The following NOL4 variants were observed in gnomAD, a reference collection of about 807,000 sequenced individuals.
NOL4 encodes cancer/testis antigen 125.
NOL4 carries 17 observed loss-of-function variants against 75.9 expected under a neutral mutation model. That is an observed-to-expected ratio of 0.22 (90% CI 0.15 to 0.34). The LOEUF is 0.34. NOL4 is among the 10% of genes least tolerant of loss of function. The pLI, the probability that NOL4 is intolerant of heterozygous loss-of-function variation, is 1.00. For synonymous variants in NOL4, 292 were observed against 289.9 expected, an observed-to-expected ratio of 1.01 and a Z score of -0.07; for missense variants, 614 against 793.5, an observed-to-expected ratio of 0.77 and a Z score of 2.72.
rs773758737 is a variant in NOL4 at position 33,852,979 on chromosome 18, T to A, written c.1780A>T (p.Ser594Cys). 2.5e-6 allele frequency: 4 copies of A among 1,613,050 alleles called. No individual in the cohort carries two copies. Among genetic ancestry groups the A allele is most frequent in the Non-Finnish European group, 3.4e-6 (4 of 1,179,444 alleles). The change falls in exon 11 of 11, where the codon AGC (serine) becomes TGC (cysteine). Residue 594 changes from serine (S) to cysteine (C), a missense_variant. Ser to Cys is a moderately radical substitution (Grantham distance 112, BLOSUM62 -1). Transcript: ENST00000261592. ...CTCAGCTGGGGTCTGGAGTTTGAGC[T>A]GCTGGAGGATCCTGAGCTAGTCGCC... ...QLATSSGSSS[S>C]SNSRPQLSPT...
chr18:33,861,223 T>G (rs972212968), intron 10 of NOL4, among the ~76,000 whole-genome samples: 13 of 152,192 alleles, frequency 8.5e-5, no homozygotes, highest in Non-Finnish European at 1.8e-4. Flanking sequence ...CAGTTCCTCC[T>G]TGTACCTCTG....
In NOL4 at chr18:33,853,031, G is replaced by A; in HGVS notation, c.1728C>T (p.Pro576=). ...LNLNDASSSG[P]TDLSMKRQLA... Reference sequence around the variant, plus strand: ...ATTGTCTCTTCATGCTGAGATCAGTGGGTCCTAGAAAGAAAATCATCACAA... The same window carrying A: ...ATTGTCTCTTCATGCTGAGATCAGTAGGTCCTAGAAAGAAAATCATCACAA... The change falls in exon 11 of 11, where the codon CCC becomes CCT. Residue 576 remains proline (P), a synonymous_variant. Transcript: ENST00000261592. 1 of 1,608,282 alleles carries A rather than the reference G, an allele frequency of 6.2e-7. No individual in the cohort carries two copies. Among genetic ancestry groups the A allele is most frequent in the East Asian group, 2.2e-5 (1 of 44,680 alleles).
At chr18:34,117,212 T>C (rs1478110561) in intron 2 of NOL4, among the ~76,000 whole-genome samples, 1 of 152,182 alleles carries the variant, frequency 6.6e-6, no homozygotes, top group Non-Finnish European at 1.5e-5. Context: ...CCATGATCAC[T>C]ATCATGATCT....
At chr18:34,022,574 C>A (rs552285659) in intron 5 of NOL4, among the ~76,000 whole-genome samples, 2 of 151,854 alleles carry the variant, frequency 1.3e-5, no homozygotes, top group Non-Finnish European at 2.9e-5. Flanking sequence ...ATTTTTATTA[C>A]TTTATTATTT....
intron 5 of NOL4, among the ~76,000 whole-genome samples, chr18:34,076,224 A>C (rs998726169): frequency 6.6e-6 from 1 of 152,154 alleles, no homozygotes; most frequent in Admixed American, 6.5e-5. Flanking sequence ...CCCACTAGCA[A>C]AGTTGGCTTG....
intron 1 of NOL4, among the ~76,000 whole-genome samples, chr18:34,138,687 G>A (rs1473243847): frequency 6.6e-6 from 1 of 152,052 alleles, no homozygotes; most frequent in South Asian, 2.1e-4. Context: ...CTGCCTGATT[G>A]CCCTGGCCAG....
chr18:34,077,509 A>G (rs918677781), intron 5 of NOL4, among the ~76,000 whole-genome samples: 2 of 152,264 alleles, frequency 1.3e-5, no homozygotes, highest in East Asian at 1.9e-4. Flanking sequence ...ATATATATGT[A>G]TACATATTTA....
chr18:33,981,292 A>AT (rs1013360629), intron 6 of NOL4, among the ~76,000 whole-genome samples: 11 of 125,156 alleles, frequency 8.8e-5, no homozygotes, highest in South Asian at 2.2e-4. Context: ...AATGACTGAA[A>AT]TTAAAAAAAA....
intron 10 of NOL4, among the ~76,000 whole-genome samples, chr18:33,875,525 C>T (rs2063893021): frequency 6.6e-6 from 1 of 151,926 alleles, no homozygotes; most frequent in Non-Finnish European, 1.5e-5. Flanking sequence ...TTTTCTATTG[C>T]TATTAAACAG....
chr18:34,153,264 T>A (rs532779277), intron 1 of NOL4, among the ~76,000 whole-genome samples: 129 of 151,972 alleles, frequency 8.5e-4, no homozygotes, highest in Admixed American at 1.9e-3. Context: ...TAATAACAAA[T>A]CTCTAGAAGG....
intron 9 of NOL4, among the ~76,000 whole-genome samples, chr18:33,892,502 G>C (rs921756309): frequency 6.6e-5 from 10 of 152,030 alleles, no homozygotes; most frequent in Non-Finnish European, 5.9e-5. Context: ...AGTTCTCACA[G>C]CTGACAGCTT....
At chr18:34,158,530 G>GA (rs1398547447) in intron 1 of NOL4, 1 of 152,156 alleles carries the variant, frequency 6.6e-6, no homozygotes, top group Admixed American at 6.5e-5. Flanking sequence ...CTGGCATATA[G>GA]AACTGGAAAT....
At chr18:34,089,738 C>T (rs1031168260) in intron 5 of NOL4, among the ~76,000 whole-genome samples, 2 of 152,124 alleles carry the variant, frequency 1.3e-5, no homozygotes, top group African/African-American at 4.8e-5. Flanking sequence ...TTTTATTTGT[C>T]ACAGTTGGGA....
At chr18:34,172,715 G>A (rs2033165422) in intron 1 of NOL4, among the ~76,000 whole-genome samples, 1 of 152,034 alleles carries the variant, frequency 6.6e-6, no homozygotes, top group East Asian at 1.9e-4. Flanking sequence ...ATCTTAACAG[G>A]TATGAGGTGA....
At chr18:34,135,958 A>G (rs1388662147) in intron 1 of NOL4, among the ~76,000 whole-genome samples, 2 of 152,060 alleles carry the variant, frequency 1.3e-5, no homozygotes, top group Admixed American at 6.6e-5. Context: ...AGCAAACCAA[A>G]TCCAACCACA....
intron 2 of NOL4, among the ~76,000 whole-genome samples, chr18:34,119,953 A>G (rs930393544): frequency 7.2e-5 from 11 of 152,162 alleles, no homozygotes; most frequent in Non-Finnish European, 1.3e-4. Context: ...TTTGCTAGAT[A>G]AAATATAAGA....
chr18:34,209,155 C>CT (rs2036330728), intron 1 of NOL4, among the ~76,000 whole-genome samples: 1 of 144,064 alleles, frequency 6.9e-6, no homozygotes, highest in Admixed American at 7.0e-5. Context: ...GATCACACCA[C>CT]TGCACTCCAG....
chr18:34,023,422 G>A (rs1447803917), intron 5 of NOL4: 2 of 456,050 alleles, frequency 4.4e-6, no homozygotes, highest in Non-Finnish European at 8.8e-6. Context: ...ACTTTAAAGG[G>A]GTAATCTGCT....
intron 10 of NOL4, among the ~76,000 whole-genome samples, chr18:33,875,665 C>G (rs1470917225): frequency 6.6e-6 from 1 of 151,994 alleles, no homozygotes; most frequent in Admixed American, 6.6e-5. Flanking sequence ...TTTGATTTAT[C>G]TAAGATTAAC....
Sources: gnomAD v4.1 joint callset for allele counts (sites outside exome capture counted in the v4.1 genomes callset) on GRCh38, gnomAD v4.1.1 for gene constraint, MANE v1.5 for transcripts, NCBI Gene and HGNC (gene_info 2026-07-23, HGNC 2026-07-21) for gene names.